GRIP1: variants seen among roughly 807,000 people sequenced by gnomAD.
GRIP1 encodes glutamate receptor interacting protein 1.
Under a neutral mutation model 129.9 loss-of-function variants are expected in GRIP1, and 45 were observed. The ratio of observed to expected loss-of-function variants is 0.35; its 90% CI spans 0.27 to 0.44. The LOEUF is 0.44. GRIP1 is among the 20% of genes least tolerant of loss of function. The probability of loss-of-function intolerance (pLI) is 1.00; values close to 1 mark genes in which losing one functional copy is unlikely to be tolerated. For synonymous variants in GRIP1, 530 were observed against 520.8 expected, an observed-to-expected ratio of 1.02 and a Z score of -0.24; for missense variants, 1,196 against 1,396.8, an observed-to-expected ratio of 0.86 and a Z score of 2.29.
At chr12:66,624,218 T>A (rs533883824) in intron 1 of GRIP1, among the ~76,000 whole-genome samples, 1 of 152,190 alleles carries the variant, frequency 6.6e-6, no homozygotes, top group Non-Finnish European at 1.5e-5. Flanking sequence ...GTTCCTCTGT[T>A]TCCATATGCA....
chr12:66,601,594 T>A (rs560662786), intron 1 of GRIP1, among the ~76,000 whole-genome samples: 2 of 152,296 alleles, frequency 1.3e-5, no homozygotes, highest in South Asian at 4.2e-4. Flanking sequence ...TGCTAAACAA[T>A]TCCTAGCAAC....
At chr12:66,591,924 G>A (rs1592613084) in intron 2 of GRIP1, among the ~76,000 whole-genome samples, 4 of 152,060 alleles carry the variant, frequency 2.6e-5, no homozygotes, top group East Asian at 1.9e-4. Flanking sequence ...TGTTTCTGGC[G>A]TCACTCATTT....
At chr12:66,853,672 T>C (rs949462289) in intron 1 of GRIP1, among the ~76,000 whole-genome samples, 1 of 152,080 alleles carries the variant, frequency 6.6e-6, no homozygotes, top group Non-Finnish European at 1.5e-5. Flanking sequence ...TTATAAATCA[T>C]GAGCCAAAGT....
In GRIP1 at chr12:66,469,202, C is replaced by T. The variant is rs145040970; in HGVS notation, c.725-3780G>A. 1.4e-3 allele frequency among the ~76,000 whole-genome samples: 209 copies of T among 152,240 alleles called. 1 individual carries two copies. The highest frequency in any genetic ancestry group is 4.6e-3 in the African/African-American group (190 of 41,532). On this transcript the variant is annotated intron_variant, in intron 7 of 24. Transcript: ENST00000359742. ...GGCCCGAGCCATCATCTCCCTTAGA[C>T]CTCATTTTCTTCACTTGTAAAATGA...
intron 1 of GRIP1, among the ~76,000 whole-genome samples, chr12:66,844,992 C>T (rs2039787953): frequency 6.6e-6 from 1 of 152,108 alleles, no homozygotes; most frequent in South Asian, 2.1e-4. Flanking sequence ...GCTTAATGGA[C>T]ATCGACTTTC....
intron 1 of GRIP1, among the ~76,000 whole-genome samples, chr12:67,068,115 T>C (rs890167392): frequency 2.0e-5 from 3 of 152,202 alleles, no homozygotes; most frequent in Admixed American, 1.3e-4. Flanking sequence ...GAAATTCTGG[T>C]GCACTCAGTA....
At chr12:66,842,509 G>T (rs1455952969) in intron 1 of GRIP1, among the ~76,000 whole-genome samples, 3 of 152,124 alleles carry the variant, frequency 2.0e-5, no homozygotes, top group Non-Finnish European at 2.9e-5. Flanking sequence ...TGAGTTAACA[G>T]TAAGTATTAA....
chr12:66,855,228 C>T (rs1253903049), intron 1 of GRIP1, among the ~76,000 whole-genome samples: 1 of 151,990 alleles, frequency 6.6e-6, no homozygotes, highest in Non-Finnish European at 1.5e-5. Flanking sequence ...TATTAAGTCA[C>T]TTTGAAGGAC....
In GRIP1 at chr12:66,406,267, A is replaced by C; in HGVS notation, c.1984+16T>G. 7 of 1,613,758 alleles carry C rather than the reference A, an allele frequency of 4.3e-6. No individual in the cohort carries two copies. Among genetic ancestry groups the C allele is most frequent in the Non-Finnish European group, 5.9e-6 (7 of 1,179,632 alleles). ...CAGTTCGAAAAATCAGTTTTAACTA[A>C]GGATGCTCTCAATACCTGAATTATC... On this transcript the variant is annotated intron_variant, in intron 16 of 24. Transcript: ENST00000359742.
At chr12:66,565,916 A>C (rs1346782377) in intron 2 of GRIP1, among the ~76,000 whole-genome samples, 1 of 149,000 alleles carries the variant, frequency 6.7e-6, no homozygotes, top group East Asian at 2.0e-4. Flanking sequence ...TCATGATTTC[A>C]CTGTTTGTCT....
chr12:67,014,247 A>G (rs1039886453), intron 1 of GRIP1, among the ~76,000 whole-genome samples: 1 of 152,202 alleles, frequency 6.6e-6, no homozygotes, highest in East Asian at 1.9e-4. Context: ...CTGGAGAGTC[A>G]CAGTTTACAG....
At chr12:66,637,842 T>C (rs781074752) in intron 1 of GRIP1, among the ~76,000 whole-genome samples, 15 of 152,204 alleles carry the variant, frequency 9.9e-5, no homozygotes, top group Non-Finnish European at 1.3e-4. Flanking sequence ...ACTTCAAGTT[T>C]CAGGGCATAA....
intron 1 of GRIP1, among the ~76,000 whole-genome samples, chr12:66,623,632 T>C (rs914376992): frequency 2.0e-5 from 3 of 152,216 alleles, no homozygotes; most frequent in Admixed American, 1.3e-4. Flanking sequence ...GGGGCTCACA[T>C]ACCAGTCATC....
chr12:66,453,316 T>C (rs1483725270), intron 11 of GRIP1, among the ~76,000 whole-genome samples: 1 of 152,190 alleles, frequency 6.6e-6, no homozygotes, highest in Non-Finnish European at 1.5e-5. Flanking sequence ...GTATGAACAC[T>C]AATGAATTCA....
intron 1 of GRIP1, among the ~76,000 whole-genome samples, chr12:66,725,166 G>A (rs1427826899): frequency 2.0e-5 from 3 of 151,960 alleles, no homozygotes; most frequent in Non-Finnish European, 4.4e-5. Context: ...GCTGGACATG[G>A]TGGTGCATTC....
At chr12:67,029,230 C>T (rs2042984340) in intron 1 of GRIP1, among the ~76,000 whole-genome samples, 1 of 152,176 alleles carries the variant, frequency 6.6e-6, no homozygotes, top group African/African-American at 2.4e-5. Context: ...CCCACCTCAG[C>T]CTCCCGATAG....
chr12:66,725,940 G>T (rs1444286544), intron 1 of GRIP1, among the ~76,000 whole-genome samples: 1 of 152,070 alleles, frequency 6.6e-6, no homozygotes, highest in Non-Finnish European at 1.5e-5. Context: ...CATGCTCAGA[G>T]ACATTAAGTG....
At chr12:66,875,304 C>T (rs1178702051) in intron 1 of GRIP1, among the ~76,000 whole-genome samples, 9 of 152,018 alleles carry the variant, frequency 5.9e-5, no homozygotes. Flanking sequence ...AAAGAAGTCC[C>T]TTTCACCATC....
chr12:66,885,286 C>T (rs552326472), intron 1 of GRIP1, among the ~76,000 whole-genome samples: 47 of 152,190 alleles, frequency 3.1e-4, no homozygotes, highest in South Asian at 1.0e-3. Flanking sequence ...GACAAGCTGC[C>T]CCCGGTGCGC....
Sources: gnomAD v4.1 joint callset for allele counts (sites outside exome capture counted in the v4.1 genomes callset) on GRCh38, gnomAD v4.1.1 for gene constraint, MANE v1.5 for transcripts, NCBI Gene and HGNC (gene_info 2026-07-23, HGNC 2026-07-21) for gene names.